The following ZNF33B variants were observed in gnomAD, a reference collection of about 807,000 sequenced individuals.
ZNF33B encodes zinc finger protein 11b (KOX 2).
ZNF33B carries 29 observed loss-of-function variants against 45.8 expected under a neutral mutation model. The ratio of observed to expected loss-of-function variants is 0.63; its 90% CI spans 0.47 to 0.86. ZNF33B has a LOEUF of 0.86. Among genes scored for constraint, ZNF33B ranks in the 40% least tolerant of loss-of-function variants. ZNF33B has a pLI of 0.00. For missense variants in ZNF33B, 831 were observed against 909.9 expected, an observed-to-expected ratio of 0.91 and a Z score of 1.12; for synonymous variants, 305 against 307.8, an observed-to-expected ratio of 0.99 and a Z score of 0.10.
At chr10:42,629,884 C>T (rs749057945) in intron 4 of ZNF33B, among the ~76,000 whole-genome samples, 2 of 152,140 alleles carry the variant, frequency 1.3e-5, no homozygotes, top group Non-Finnish European at 2.9e-5. Flanking sequence ...TAAGTTATCA[C>T]AGTCTATCAA....
At chr10:42,576,655 C>G (rs1185820271) in intron 1 of ZNF33B, among the ~76,000 whole-genome samples, 1 of 152,142 alleles carries the variant, frequency 6.6e-6, no homozygotes. Flanking sequence ...ATTCTGATTC[C>G]GTGGGTCTGG....
chr10:42,612,768 G>A (rs1206297937), intron 4 of ZNF33B, among the ~76,000 whole-genome samples: 1 of 152,166 alleles, frequency 6.6e-6, no homozygotes, highest in African/African-American at 2.4e-5. Flanking sequence ...AGACACTGTA[G>A]AGAACTGGTA....
intron 4 of ZNF33B, among the ~76,000 whole-genome samples, chr10:42,621,901 T>C (rs766921410): frequency 3.9e-5 from 6 of 152,228 alleles, no homozygotes; most frequent in Admixed American, 1.3e-4. Context: ...CATAAAACTA[T>C]GCCTACTCAC....
At chr10:42,621,860 A>T (rs1315173609) in intron 4 of ZNF33B, among the ~76,000 whole-genome samples, 1 of 152,162 alleles carries the variant, frequency 6.6e-6, no homozygotes, top group East Asian at 1.9e-4. Flanking sequence ...AAACAAGAAA[A>T]AGAAAGAGAG....
chr10:42,587,526 AT>A (rs1484047525), downstream of ZNF33B, among the ~76,000 whole-genome samples: 1 of 152,092 alleles, frequency 6.6e-6, no homozygotes, highest in Non-Finnish European at 1.5e-5. Flanking sequence ...AAGTGCTGCG[AT>A]TTGTTGAGCC....
rs760886835 is a variant in ZNF33B, at chr10:42,594,516, C to T, written c.434G>A (p.Arg145His). 42 of 1,613,064 alleles carry T rather than the reference C, an allele frequency of 2.6e-5. No individual in the cohort carries two copies. Among genetic ancestry groups the T allele is most frequent in the Non-Finnish European group, 3.5e-5 (41 of 1,179,636 alleles). The change falls in exon 5 of 5, where the codon CGT (arginine) becomes CAT (histidine). Residue 145 changes from arginine (R) to histidine (H), a missense_variant. Coordinates refer to ENST00000359467, the MANE Select transcript of ZNF33B (RefSeq NM_006955.3). ...TGAAACAGTGTTGAAACTCATTCCA[C>T]GTGAGTCATACTGACAGAACATTTT... ...SRKMFCQYDSRGMSFNTVSEL... is the reference protein window; with the variant it reads ...SRKMFCQYDSHGMSFNTVSEL...
chr10:42,622,022 T>C (rs891520940), intron 4 of ZNF33B, among the ~76,000 whole-genome samples: 6 of 152,222 alleles, frequency 3.9e-5, no homozygotes, highest in Non-Finnish European at 5.9e-5. Context: ...AAATCCGTTG[T>C]GTTGCTACAC....
Position 42,592,511 on chromosome 10 carries a change from A to ATATC in ZNF33B, c.*101_*102insGATA, listed in dbSNP as rs1837172351. On this transcript the variant is annotated 3_prime_UTR_variant, in exon 5 of 5. Coordinates refer to ENST00000359467, the MANE Select transcript of ZNF33B (RefSeq NM_006955.3). ...AGTAACATAAGGCGAGTTTGTGGAT[A>ATATC]GTTATTGAACATTCAGGATGTCAAC... 4.2e-6 allele frequency: 6 copies of ATATC among 1,441,082 alleles called. No individual in the cohort carries two copies. Among genetic ancestry groups the ATATC allele is most frequent in the Non-Finnish European group, 5.6e-6 (6 of 1,064,138 alleles). 89.3% of individuals were successfully genotyped at this position (1,441,082 alleles called of 1,614,324 possible).
At chr10:42,631,614 G>C (rs949163853) in intron 4 of ZNF33B, among the ~76,000 whole-genome samples, 3 of 152,150 alleles carry the variant, frequency 2.0e-5, no homozygotes, top group Non-Finnish European at 2.9e-5. Flanking sequence ...AAACAATGGA[G>C]GTTAAGGTGG....
intron 4 of ZNF33B, among the ~76,000 whole-genome samples, chr10:42,601,853 ATCT>A (rs1180015199): frequency 6.8e-6 from 1 of 148,102 alleles, no homozygotes; most frequent in Non-Finnish European, 1.5e-5. Context: ...AAGTTCAATA[ATCT>A]TATTCTTCTG....
intron 4 of ZNF33B, among the ~76,000 whole-genome samples, chr10:42,628,872 C>A (rs1018173808): frequency 1.3e-5 from 2 of 152,170 alleles, no homozygotes; most frequent in Admixed American, 6.5e-5. Context: ...GTTTTCACTT[C>A]ATATGGCTGA....
At chr10:42,627,806 TA>T (rs1321319301) in intron 4 of ZNF33B, among the ~76,000 whole-genome samples, 1 of 151,828 alleles carries the variant, frequency 6.6e-6, no homozygotes, top group African/African-American at 2.4e-5. Context: ...GTCTGATGTT[TA>T]ATTTCTAAAT....
chr10:42,581,868 A>C (rs1302803503), intron 1 of ZNF33B: 1 of 152,180 alleles, frequency 6.6e-6, no homozygotes, highest in Non-Finnish European at 1.5e-5. Flanking sequence ...TAATCTCAGC[A>C]CTTTAGGAGG....
intron 2 of ZNF33B, among the ~76,000 whole-genome samples, chr10:42,635,701 T>C (rs1165660026): frequency 6.6e-6 from 1 of 150,982 alleles, no homozygotes; most frequent in African/African-American, 2.4e-5. Flanking sequence ...TTCCAGCTAC[T>C]TGGGAGGCTG....
intron 4 of ZNF33B, among the ~76,000 whole-genome samples, chr10:42,620,791 T>C (rs987346461): frequency 3.9e-5 from 6 of 151,938 alleles, no homozygotes; most frequent in Non-Finnish European, 8.8e-5. Context: ...GAAAGGCTGA[T>C]AAAAGATATT....
chr10:42,637,067 G>A (rs1839339307), intron 1 of ZNF33B, 95 bp from the exon 2 acceptor site: 3 of 1,185,888 alleles, frequency 2.5e-6, no homozygotes, highest in Non-Finnish European at 3.7e-6. Flanking sequence ...ACACCCACTA[G>A]GTAAAATGCT....
In ZNF33B at chr10:42,592,686, C is replaced by A. The variant is rs750706775; in HGVS notation, c.2264G>T (p.Arg755Met). The A allele has an allele frequency of 1.5e-4, 236 of 1,613,910 alleles. No individual in the cohort carries two copies. Among genetic ancestry groups the A allele is most frequent in the Non-Finnish European group, 1.9e-4 (224 of 1,179,942 alleles). ...ATTTGACTTTTGAGAGAAGGTTTTCCTGCATGTGTTACATTCATAGGGCTT... is the reference window on the plus strand; with the variant it reads ...ATTTGACTTTTGAGAGAAGGTTTTCATGCATGTGTTACATTCATAGGGCTT... ...GEKPYECNTCRKTFSQKSNLI... is the reference protein window; with the variant it reads ...GEKPYECNTCMKTFSQKSNLI... The change falls in exon 5 of 5, where the codon AGG (arginine) becomes ATG (methionine). Residue 755 changes from arginine (R) to methionine (M), a missense_variant. Arg to Met is a moderately conservative substitution (Grantham distance 91). Transcript: ENST00000359467.
intron 2 of ZNF33B, 113 bp downstream of exon 2, chr10:42,636,807 G>T: frequency 6.8e-7 from 1 of 1,471,700 alleles, no homozygotes; most frequent in South Asian, 1.2e-5. Context: ...CAGCCTGGGC[G>T]ACAGAGCGAG....
In ZNF33B at chr10:42,589,733, GTTAT is replaced by G. The variant is rs1837028332; in HGVS notation, c.*2876_*2879del. 1 of 152,164 alleles carries G rather than the reference GTTAT, an allele frequency of 6.6e-6. No individual in the cohort carries two copies. The highest frequency in any genetic ancestry group is 2.4e-5 in the African/African-American group (1 of 41,444). The allele number at this position is 152,164 out of a possible 1,614,324, so 9.4% of individuals were successfully genotyped here. ...TAGAATTTTCTACAAAGACAATCAT[GTTAT>G]TTGAGAACAAAGACAGTTGTATTTC... is the stretch of plus-strand genomic sequence containing the variant. On this transcript the variant is annotated 3_prime_UTR_variant, in exon 5 of 5. Transcript: ENST00000359467.
Sources: allele counts gnomAD v4.1 joint callset (sites outside exome capture counted in the v4.1 genomes callset), GRCh38; gene constraint gnomAD v4.1.1; transcripts MANE v1.5; gene names NCBI Gene and HGNC (gene_info 2026-07-23, HGNC 2026-07-21).